The following PPFIA2 variants were observed in gnomAD, a reference collection of about 807,000 sequenced individuals.
PPFIA2 encodes the protein PPFI scaffold protein A2, also known as liprin-alpha-2.
Under a neutral mutation model 175.5 loss-of-function variants are expected in PPFIA2, and 46 were observed. That is an observed-to-expected ratio of 0.26 (90% confidence interval 0.21 to 0.34). The LOEUF is 0.34. PPFIA2 is among the 10% of genes least tolerant of loss of function. The pLI is 1.00. For synonymous variants in PPFIA2, 568 were observed against 511.4 expected (o/e 1.11, Z -1.49); for missense variants, 1,179 against 1,506.1 (o/e 0.78, Z 3.60).
At chr12:81,506,549 A>G (rs998148354) in intron 4 of PPFIA2, among the ~76,000 whole-genome samples, 1 of 152,216 alleles carries the variant, frequency 6.6e-6, no homozygotes. Flanking sequence ...CTAACTTTTG[A>G]TGAATTGAAT....
intron 4 of PPFIA2, among the ~76,000 whole-genome samples, chr12:81,581,058 G>T (rs1019768372): frequency 6.6e-6 from 1 of 151,350 alleles, no homozygotes; most frequent in Admixed American, 6.6e-5. Context: ...GAAACAGTGA[G>T]ATTTTAGCAC....
intron 4 of PPFIA2, among the ~76,000 whole-genome samples, chr12:81,562,035 T>A (rs571608363): frequency 6.6e-6 from 1 of 152,300 alleles, no homozygotes; most frequent in Non-Finnish European, 1.5e-5. Context: ...AAGATAAAAA[T>A]CATTTAATAA....
At chr12:81,280,873 T>C (rs1023016828) in intron 27 of PPFIA2, among the ~76,000 whole-genome samples, 1 of 151,646 alleles carries the variant, frequency 6.6e-6, no homozygotes, top group African/African-American at 2.4e-5. Context: ...TTATAAAATT[T>C]ATAACCACAT....
intron 24 of PPFIA2, among the ~76,000 whole-genome samples, chr12:81,294,316 A>C (rs1468402718): frequency 6.6e-6 from 1 of 152,148 alleles, no homozygotes; most frequent in Non-Finnish European, 1.5e-5. Context: ...AAAACTAAAA[A>C]ATGTAGTCAC....
chr12:81,411,379 G>T (rs1210671609), intron 7 of PPFIA2, among the ~76,000 whole-genome samples: 2 of 151,996 alleles, frequency 1.3e-5, no homozygotes, highest in Non-Finnish European at 2.9e-5. Flanking sequence ...TGTGTTTTCT[G>T]GTTGCTCATA....
At chr12:81,500,498 G>C (rs1012942776) in intron 4 of PPFIA2, among the ~76,000 whole-genome samples, 1 of 152,170 alleles carries the variant, frequency 6.6e-6, no homozygotes, top group African/African-American at 2.4e-5. Context: ...AAAGGGCACA[G>C]ATCCCAGGCA....
At chr12:81,608,390 T>A (rs752743147) in intron 4 of PPFIA2, among the ~76,000 whole-genome samples, 1 of 152,142 alleles carries the variant, frequency 6.6e-6, no homozygotes, top group African/African-American at 2.4e-5. Flanking sequence ...TCTTTATAGA[T>A]CTGGTAAAAT....
chr12:81,614,372 A>G (rs2061236415), intron 4 of PPFIA2, among the ~76,000 whole-genome samples: 1 of 152,216 alleles, frequency 6.6e-6, no homozygotes, highest in African/African-American at 2.4e-5. Context: ...AAGAAGAATC[A>G]GGATAATAAC....
intron 4 of PPFIA2, among the ~76,000 whole-genome samples, chr12:81,495,102 A>C (rs548987020): frequency 2.0e-5 from 3 of 152,118 alleles, no homozygotes; most frequent in South Asian, 2.1e-4. Context: ...ATAATAATAA[A>C]ATTTTAAAAA....
intron 4 of PPFIA2, among the ~76,000 whole-genome samples, chr12:81,476,183 G>C (rs555238056): frequency 2.0e-5 from 3 of 151,996 alleles, no homozygotes; most frequent in Admixed American, 1.3e-4. Flanking sequence ...ATATCTACAG[G>C]GTGCTCCAGC....
At chr12:81,723,503 G>A (rs562393414) in intron 3 of PPFIA2, among the ~76,000 whole-genome samples, 11 of 150,994 alleles carry the variant, frequency 7.3e-5, no homozygotes, top group African/African-American at 2.4e-4. Flanking sequence ...TGTGGTTTGG[G>A]GGGAAATAAA....
At chr12:81,615,446 G>A (rs1690186539) in intron 4 of PPFIA2, among the ~76,000 whole-genome samples, 1 of 152,164 alleles carries the variant, frequency 6.6e-6, no homozygotes, top group African/African-American at 2.4e-5. Flanking sequence ...AATGCAAATA[G>A]AGAAATGGTC....
rs187155578 is a variant in PPFIA2, at chr12:81,405,585, C to T, written c.762+202G>A. Among the ~76,000 whole-genome samples the T allele has an allele frequency of 4.0e-3, 608 of 151,840 alleles. 17 individuals are homozygous for T. The highest frequency in any genetic ancestry group is 0.033 in the Admixed American group (504 of 15,244). On this transcript the variant is annotated intron_variant, in intron 8 of 32. Coordinates refer to ENST00000549396, the MANE Select transcript of PPFIA2 (RefSeq NM_003625.5). ...ATTTGAATATGTGTATATGCATACA[C>T]ACAACATATACACATATGTATTATA... is the stretch of plus-strand genomic sequence containing the variant.
At chr12:81,294,495 AAGGAAGGGAGGG>A (rs1393689397) in intron 24 of PPFIA2, 79 of 187,692 alleles carry the variant, frequency 4.2e-4, no homozygotes, top group African/African-American at 1.9e-3. Flanking sequence ...GGAAAGAAGG[AAGGAAGGGAGGG>A]AGGAAGGGAG....
At chr12:81,567,959 T>A (rs995988727) in intron 4 of PPFIA2, among the ~76,000 whole-genome samples, 1 of 152,200 alleles carries the variant, frequency 6.6e-6, no homozygotes, top group African/African-American at 2.4e-5. Context: ...GTGAGCATAG[T>A]CTTGTGGATG....
At chr12:81,730,775 A>C (rs1258261992) in intron 3 of PPFIA2, among the ~76,000 whole-genome samples, 1 of 151,568 alleles carries the variant, frequency 6.6e-6, no homozygotes, top group East Asian at 1.9e-4. Context: ...ATTTTATGTA[A>C]AGTTCACCAT....
intron 4 of PPFIA2, among the ~76,000 whole-genome samples, chr12:81,506,458 A>C (rs2147616000): frequency 6.6e-6 from 1 of 152,332 alleles, no homozygotes; most frequent in Admixed American, 6.5e-5. Context: ...TTAGAATATA[A>C]ATTCACTGAA....
intron 21 of PPFIA2, among the ~76,000 whole-genome samples, chr12:81,334,908 C>T (rs1471685859): frequency 6.6e-6 from 1 of 152,192 alleles, no homozygotes; most frequent in Non-Finnish European, 1.5e-5. Context: ...AGATACATTG[C>T]TTCTTCCTTA....
intron 4 of PPFIA2, among the ~76,000 whole-genome samples, chr12:81,597,435 G>T (rs1421767130): frequency 6.6e-6 from 1 of 151,854 alleles, no homozygotes; most frequent in African/African-American, 2.4e-5. Context: ...TACTAAACTT[G>T]GTTCTTAAAC....
Sources: allele counts gnomAD v4.1 joint callset (sites outside exome capture counted in the v4.1 genomes callset), GRCh38; gene constraint gnomAD v4.1.1; transcripts MANE v1.5; gene names NCBI Gene and HGNC (gene_info 2026-07-23, HGNC 2026-07-21).